Variants in INPP5F observed in about 807,000 individuals in gnomAD.
INPP5F encodes phosphatidylinositide 4-phosphatase SAC2.
A neutral mutation model predicts 137.2 loss-of-function variants in INPP5F; 97 were observed. That is an observed-to-expected ratio of 0.71 (90% CI 0.60 to 0.84). INPP5F has a LOEUF of 0.84. Among genes scored for constraint, INPP5F ranks in the 40% least tolerant of loss-of-function variants. The pLI, the probability that INPP5F is intolerant of heterozygous loss-of-function variation, is 0.00. For missense variants in INPP5F, 1,271 were observed against 1,371.9 expected (o/e 0.93, Z 1.16); for synonymous variants, 504 against 476.9 (o/e 1.06, Z -0.74).
Position 119,826,881 on chromosome 10 carries a change from A to T in INPP5F, c.2500A>T (p.Met834Leu). Residue 834 changes from methionine (M) to leucine (L), a missense_variant, in exon 20 of 20, where the codon ATG (methionine) becomes TTG (leucine). Met to Leu is a conservative substitution (Grantham distance 15, BLOSUM62 2). Coordinates refer to ENST00000650623, the MANE Select transcript of INPP5F (RefSeq NM_014937.4). ...GAAATCAGATAGTAGTCTTGAAACTATGGAAAACACAGGAGTGATGGATAA... is the reference window on the plus strand; with the variant it reads ...GAAATCAGATAGTAGTCTTGAAACTTTGGAAAACACAGGAGTGATGGATAA... ...LWKSDSSLET[M>L]ENTGVMDKVQ... The T allele has an allele frequency of 6.2e-7, 1 of 1,614,180 alleles. No individual in the cohort carries two copies. Among genetic ancestry groups the T allele is most frequent in the Non-Finnish European group, 8.5e-7 (1 of 1,180,008 alleles).
chr10:119,767,645 A>G (rs1055141663), intron 2 of INPP5F, among the ~76,000 whole-genome samples: 1 of 152,338 alleles, frequency 6.6e-6, no homozygotes, highest in South Asian at 2.1e-4. Context: ...TAGAAAAACA[A>G]TAAAATCCAT....
intron 6 of INPP5F, among the ~76,000 whole-genome samples, chr10:119,795,122 C>T (rs1271093855): frequency 1.4e-5 from 2 of 140,950 alleles, no homozygotes; most frequent in African/African-American, 2.7e-5. Flanking sequence ...GCTGGCCGGG[C>T]GGGGGGCTGA....
At chr10:119,737,838 A>G (rs1039542927) in intron 1 of INPP5F, among the ~76,000 whole-genome samples, 11 of 151,986 alleles carry the variant, frequency 7.2e-5, no homozygotes, top group African/African-American at 2.7e-4. Flanking sequence ...GAGCCGTAAT[A>G]TCCTTTGTCT....
At chr10:119,770,661 T>G (rs1223221626) in intron 2 of INPP5F, among the ~76,000 whole-genome samples, 1 of 152,192 alleles carries the variant, frequency 6.6e-6, no homozygotes, top group African/African-American at 2.4e-5. Context: ...TTTGTTTTAT[T>G]TTCTAGAGTG....
At chr10:119,745,699 CTTTTTTTT>C (rs35485618) in intron 1 of INPP5F, among the ~76,000 whole-genome samples, 2 of 90,546 alleles carry the variant, frequency 2.2e-5, no homozygotes, top group African/African-American at 9.1e-5. Context: ...AGGCTCATTC[CTTTTTTTT>C]TTTTTTTTTT....
chr10:119,726,821 G>A (rs1847909427), intron 1 of INPP5F, among the ~76,000 whole-genome samples: 1 of 152,238 alleles, frequency 6.6e-6, no homozygotes. Flanking sequence ...ACTCCCTGTT[G>A]CCATCCCGTG....
At chr10:119,771,889 T>TATACA (rs1564820119) in intron 2 of INPP5F, among the ~76,000 whole-genome samples, 44 of 43,146 alleles carry the variant, frequency 1.0e-3, no homozygotes, top group Non-Finnish European at 1.7e-3. Context: ...TATATTTTTT[T>TATACA]TTTTTTTTTT....
intron 1 of INPP5F, among the ~76,000 whole-genome samples, chr10:119,740,212 C>T (rs1300056794): frequency 6.6e-6 from 1 of 152,092 alleles, no homozygotes; most frequent in African/African-American, 2.4e-5. Context: ...ATGTTTTTAC[C>T]TCCCTTGAGA....
At chr10:119,737,103 A>T (rs1848237479) in intron 1 of INPP5F, among the ~76,000 whole-genome samples, 1 of 152,164 alleles carries the variant, frequency 6.6e-6, no homozygotes, top group Non-Finnish European at 1.5e-5. Context: ...TGCTGGGATT[A>T]CAGACATGAG....
chr10:119,797,356 C>A, intron 7 of INPP5F, 105 bp from the exon 8 acceptor site: 1 of 915,274 alleles, frequency 1.1e-6, no homozygotes, highest in Non-Finnish European at 1.6e-6. Flanking sequence ...ACACTGAATC[C>A]CCAAGGCTAT....
At chr10:119,747,380 C>G (rs1848567167) in intron 1 of INPP5F, among the ~76,000 whole-genome samples, 1 of 151,622 alleles carries the variant, frequency 6.6e-6, no homozygotes, top group South Asian at 2.1e-4. Flanking sequence ...CACCACCACG[C>G]CCAGCTAATT....
chr10:119,737,188 C>T (rs1214040816), intron 1 of INPP5F, among the ~76,000 whole-genome samples: 1 of 152,144 alleles, frequency 6.6e-6, no homozygotes, highest in African/African-American at 2.4e-5. Context: ...CTTGTGGTTA[C>T]TTTTTGAAGT....
chr10:119,729,744 A>AT (rs34359657), intron 1 of INPP5F, among the ~76,000 whole-genome samples: 5,574 of 128,208 alleles, frequency 0.043, 400 homozygotes, highest in African/African-American at 0.15. Flanking sequence ...CACCTGGCTA[A>AT]TTTTTTTTTT....
Position 119,790,527 on chromosome 10 carries a change from A to G in INPP5F, c.316-990A>G, listed in dbSNP as rs552005182. Among the ~76,000 whole-genome samples, 26 of 152,314 alleles carry G rather than the reference A, an allele frequency of 1.7e-4. No homozygotes were observed. The South Asian group carries it at 3.7e-3, about 22-fold the overall frequency. The stretch of plus-strand genomic sequence containing the variant: ...AAATTTGGTCCAGTTATTAGTTTCT[A>G]CTTCCAAATTTGATAAAACAGGGAT... On this transcript the variant is annotated intron_variant, in intron 3 of 19. Coordinates refer to ENST00000650623, the MANE Select transcript of INPP5F (RefSeq NM_014937.4).
rs1564819889 is a variant in INPP5F at position 119,771,872 on chromosome 10, ATATATATATATTTTTTTTTTTTTTT to A, written c.179-9761_179-9737del. Among the ~76,000 whole-genome samples, 10 of 18,288 alleles carry A rather than the reference ATATATATATATTTTTTTTTTTTTTT, an allele frequency of 5.5e-4. 1 individual carries two copies. The South Asian group carries it at 0.013, about 24-fold the overall frequency. The allele number at this position is 18,288 out of a possible 152,430, so 12.0% of individuals were successfully genotyped here. A position where few individuals can be genotyped will look rare whatever the true frequency, so the allele number is the denominator to read the frequency against. The stretch of plus-strand genomic sequence containing the variant: ...TATATATATATATATATATATATAT[ATATATATATATTTTTTTTTTTTTTT>A]TTTTTTTTTTTTTTTTGAGATGGAG... On this transcript the variant is annotated intron_variant, in intron 2 of 19. Coordinates refer to ENST00000650623, the MANE Select transcript of INPP5F (RefSeq NM_014937.4).
At chr10:119,727,944 C>CCTAA (rs1752275103) in intron 1 of INPP5F, among the ~76,000 whole-genome samples, 1 of 152,168 alleles carries the variant, frequency 6.6e-6, no homozygotes, top group African/African-American at 2.4e-5. Flanking sequence ...ATTCTAAAAG[C>CCTAA]TTAGACTATT....
At position 119,791,987 on chromosome 10, in the gene INPP5F, T is replaced by A. The variant is rs771241049; in HGVS notation, c.563T>A (p.Val188Glu). The A allele has an allele frequency of 6.2e-7, 1 of 1,614,218 alleles. No individual in the cohort carries two copies. Among genetic ancestry groups the A allele is most frequent in the South Asian group, 1.1e-5 (1 of 91,088 alleles). Residue 188 changes from valine to glutamate, a missense_variant, in exon 5 of 20, where the codon GTG becomes GAG. Coordinates refer to ENST00000650623, the MANE Select transcript of INPP5F (RefSeq NM_014937.4). Reference sequence around the variant, plus strand: ...TTGACCTATGACCTGACCAATTCCGTGCAGAGGCAGAGCACTGGGGAGAGG... The same window carrying A: ...TTGACCTATGACCTGACCAATTCCGAGCAGAGGCAGAGCACTGGGGAGAGG... The part of the protein sequence containing the change: ...YSLTYDLTNS[V>E]QRQSTGERDG...
chr10:119,776,297 C>T (rs1023117022), intron 2 of INPP5F, among the ~76,000 whole-genome samples: 2 of 152,028 alleles, frequency 1.3e-5, no homozygotes. Flanking sequence ...TAAAAAGAAG[C>T]ACATAGATTT....
rs1435677238 is a variant in INPP5F at position 119,785,575 on chromosome 10, A to AGAGAGACT, written c.315+3808_315+3809insGACTGAGA. The stretch of plus-strand genomic sequence containing the variant: ...GAGAGAGAGAGAGAGAGAGAGAGAG[A>AGAGAGACT]GAGACTGAGACTGACTTTGCCTGTA... On this transcript the variant is annotated intron_variant, in intron 3 of 19. Transcript: ENST00000650623. Among the ~76,000 whole-genome samples the AGAGAGACT allele has an allele frequency of 6.6e-4, 100 of 150,532 alleles. 1 individual carries two copies. Among genetic ancestry groups the AGAGAGACT allele is most frequent in the East Asian group, 2.9e-3 (15 of 5,100 alleles).
Sources: allele counts gnomAD v4.1 joint callset (sites outside exome capture counted in the v4.1 genomes callset), GRCh38; gene constraint gnomAD v4.1.1; transcripts MANE v1.5; gene names NCBI Gene and HGNC (gene_info 2026-07-23, HGNC 2026-07-21).